The following ACOXL variants were observed in gnomAD, a reference collection of about 807,000 sequenced individuals.
ACOXL encodes acyl-coenzyme A oxidase-like protein.
In ACOXL, 70 loss-of-function variants were observed where a neutral mutation model predicts 71.9. The observed-to-expected ratio is 0.97, with a 90% confidence interval of 0.80 to 1.19. ACOXL has a LOEUF of 1.19. Among genes scored for constraint, ACOXL ranks in the 50% most tolerant of loss-of-function variants. The pLI, the probability that ACOXL is intolerant of heterozygous loss-of-function variation, is 0.00. For missense variants in ACOXL, 703 were observed against 736.3 expected (o/e 0.95, Z 0.52); for synonymous variants, 253 against 281.6 (o/e 0.90, Z 1.02).
intron 11 of ACOXL, among the ~76,000 whole-genome samples, chr2:110,915,886 T>C (rs2059842127): frequency 1.3e-5 from 2 of 152,268 alleles, no homozygotes; most frequent in South Asian, 2.1e-4. Flanking sequence ...ATAAAAAAAA[T>C]AGGAAAGTGA....
chr2:110,766,299 A>C (rs1193177951), intron 1 of ACOXL, among the ~76,000 whole-genome samples: 1 of 152,178 alleles, frequency 6.6e-6, no homozygotes, highest in African/African-American at 2.4e-5. Flanking sequence ...TATGTTGCTC[A>C]AGATTGATTG....
chr2:110,757,801 C>G (rs762828161), intron 1 of ACOXL, among the ~76,000 whole-genome samples: 1 of 151,414 alleles, frequency 6.6e-6, no homozygotes, highest in Non-Finnish European at 1.5e-5. Context: ...ATTAGACTTT[C>G]GTCAGATAGA....
intron 1 of ACOXL, among the ~76,000 whole-genome samples, chr2:110,737,778 G>A (rs1310652438): frequency 6.6e-6 from 1 of 152,170 alleles, no homozygotes; most frequent in Non-Finnish European, 1.5e-5. Flanking sequence ...CAGTCCGGAT[G>A]GGCTCTTCCT....
At position 110,739,777 on chromosome 2, in the gene ACOXL, G is replaced by A. The variant is rs145680932; in HGVS notation, c.-23+7003G>A. Among the ~76,000 whole-genome samples, 173 of 152,280 alleles carry A rather than the reference G, an allele frequency of 1.1e-3. 2 individuals are homozygous for A. The East Asian group carries it at 0.029, about 26-fold the overall frequency. On this transcript the variant is annotated intron_variant, in intron 1 of 17. Transcript: ENST00000439055. ...CCAGTGGCACCAGCTAGTTGGCTCC[G>A]TCAGCCCTGTAGACTTAGCATCCTC... is the stretch of plus-strand genomic sequence containing the variant.
intron 10 of ACOXL, among the ~76,000 whole-genome samples, chr2:110,888,261 A>G (rs1461132058): frequency 6.6e-6 from 1 of 152,230 alleles, no homozygotes; most frequent in Non-Finnish European, 1.5e-5. Context: ...TTTAGGATCA[A>G]GTTCCAACAT....
At chr2:110,745,852 T>C (rs1035441670) in intron 1 of ACOXL, among the ~76,000 whole-genome samples, 15 of 152,220 alleles carry the variant, frequency 9.9e-5, no homozygotes, top group Non-Finnish European at 2.1e-4. Flanking sequence ...TCATTCTTAC[T>C]GTGTCTTGAG....
At chr2:110,893,045 C>T (rs1558685630) in intron 10 of ACOXL, among the ~76,000 whole-genome samples, 1 of 152,082 alleles carries the variant, frequency 6.6e-6, no homozygotes, top group African/African-American at 2.4e-5. Context: ...GTAACATAGG[C>T]AAAGTACAAT....
intron 14 of ACOXL, among the ~76,000 whole-genome samples, chr2:111,017,695 G>A (rs2064526196): frequency 6.6e-6 from 1 of 152,218 alleles, no homozygotes; most frequent in Admixed American, 6.5e-5. Context: ...TGGCTTAGCG[G>A]TGGAGAACCA....
chr2:111,014,388 G>A (rs1423532136), intron 14 of ACOXL, among the ~76,000 whole-genome samples: 1 of 152,114 alleles, frequency 6.6e-6, no homozygotes, highest in African/African-American at 2.4e-5. Context: ...AAAAACATGA[G>A]TTTCTTAGGA....
chr2:110,897,471 A>T (rs1315276383), intron 10 of ACOXL, among the ~76,000 whole-genome samples: 1 of 152,218 alleles, frequency 6.6e-6, no homozygotes, highest in Non-Finnish European at 1.5e-5. Flanking sequence ...AAGAATGCTG[A>T]GTCCTCACAT....
intron 10 of ACOXL, among the ~76,000 whole-genome samples, chr2:110,906,118 G>C (rs545860618): frequency 3.9e-5 from 6 of 152,218 alleles, no homozygotes; most frequent in Admixed American, 3.3e-4. Flanking sequence ...ACTCTGCTTT[G>C]CTTTTTTTGC....
chr2:110,994,301 C>T (rs1241357912), intron 13 of ACOXL, among the ~76,000 whole-genome samples: 3 of 152,116 alleles, frequency 2.0e-5, no homozygotes, highest in Non-Finnish European at 2.9e-5. Context: ...TTAAATGTCC[C>T]GGTAATTGGC....
chr2:111,108,122 G>C (rs2069672931), intron 17 of ACOXL, among the ~76,000 whole-genome samples: 1 of 151,902 alleles, frequency 6.6e-6, no homozygotes, highest in African/African-American at 2.4e-5. Flanking sequence ...AATGTATCGG[G>C]TTTTTCATAA....
intron 14 of ACOXL, among the ~76,000 whole-genome samples, chr2:111,022,038 T>C (rs2149710638): frequency 6.6e-6 from 1 of 152,156 alleles, no homozygotes; most frequent in African/African-American, 2.4e-5. Context: ...GAAAAAATTG[T>C]AAAGACGTAA....
Position 111,117,603 on chromosome 2 carries a change from T to G in ACOXL, c.1543-13T>G. On this transcript the variant is annotated splice_polypyrimidine_tract_variant and intron_variant, in intron 17 of 17. Transcript: ENST00000439055. ...CCAACATCTGACCTGTCCCATTGTG[T>G]TGTGTTTTGCAGTTGCTGGATTTGT... The G allele has an allele frequency of 6.4e-7, 1 of 1,551,662 alleles. No homozygotes were observed.
At chr2:110,875,961 C>A (rs1228918812) in intron 10 of ACOXL, among the ~76,000 whole-genome samples, 1 of 152,052 alleles carries the variant, frequency 6.6e-6, no homozygotes, top group African/African-American at 2.4e-5. Context: ...CTGTGTAAAT[C>A]CACTCTACTG....
chr2:110,836,785 G>A (rs955599998), intron 9 of ACOXL, among the ~76,000 whole-genome samples: 2 of 152,234 alleles, frequency 1.3e-5, no homozygotes. Flanking sequence ...ATGGGAAAGG[G>A]AGGGAAGCCT....
chr2:110,926,644 A>T (rs1246629880), intron 11 of ACOXL, among the ~76,000 whole-genome samples: 1 of 152,182 alleles, frequency 6.6e-6, no homozygotes, highest in Non-Finnish European at 1.5e-5. Context: ...GGTCTGGAGG[A>T]TAATAAATGC....
At chr2:111,034,944 G>T (rs371112405) in intron 15 of ACOXL, among the ~76,000 whole-genome samples, 2 of 149,494 alleles carry the variant, frequency 1.3e-5, no homozygotes, top group Non-Finnish European at 3.0e-5. Context: ...TTTTGACGGA[G>T]TCTCGCTCTG....
Sources: gnomAD v4.1 joint callset for allele counts (sites outside exome capture counted in the v4.1 genomes callset) on GRCh38, gnomAD v4.1.1 for gene constraint, MANE v1.5 for transcripts, NCBI Gene and HGNC (gene_info 2026-07-23, HGNC 2026-07-21) for gene names.